The following RIOK1 variants were observed in gnomAD, a reference collection of about 807,000 sequenced individuals.
RIOK1 encodes serine/threonine-protein kinase RIO1.
RIOK1 carries 66 observed loss-of-function variants against 73.5 expected under a neutral mutation model. That is an observed-to-expected ratio of 0.90 (90% confidence interval 0.74 to 1.10). The LOEUF (loss-of-function observed/expected upper bound fraction) is 1.10, where lower values mean the gene tolerates loss of function less well. Among genes scored for constraint, RIOK1 ranks in the 50% least tolerant of loss-of-function variants. RIOK1 has a pLI of 0.00. For missense variants in RIOK1, 658 were observed against 699.8 expected (o/e 0.94, Z 0.67); for synonymous variants, 224 against 226.8 (o/e 0.99, Z 0.11).
intron 8 of RIOK1, 142 bp from the exon 9 acceptor site, chr6:7,403,799 A>T: frequency 1.8e-6 from 1 of 544,484 alleles, no homozygotes; most frequent in South Asian, 2.2e-5. Context: ...ATAATCTTAG[A>T]GTTTATGAAA....
chr6:7,416,250 C>G (rs1489244148), intron 16 of RIOK1, among the ~76,000 whole-genome samples: 2 of 152,182 alleles, frequency 1.3e-5, no homozygotes, highest in East Asian at 3.9e-4. Flanking sequence ...TTGTCTCTTT[C>G]CAATGTCTAT....
intron 12 of RIOK1, among the ~76,000 whole-genome samples, chr6:7,408,896 T>C (rs768287956): frequency 1.5e-4 from 22 of 150,998 alleles, no homozygotes; most frequent in Non-Finnish European, 3.0e-4. Context: ...TAATTTTGTA[T>C]TTTTAGTAGA....
intron 2 of RIOK1, 154 bp from the exon 3 acceptor site, chr6:7,394,899 T>G: frequency 3.4e-6 from 4 of 1,187,552 alleles, no homozygotes; most frequent in Non-Finnish European, 4.8e-6. Flanking sequence ...CTTTAAAAAA[T>G]TTTTTGAGCC....
In RIOK1 at chr6:7,404,899, CTG is replaced by C. The variant is rs1761706011; in HGVS notation, c.993-15_993-14del. On this transcript the variant is annotated splice_polypyrimidine_tract_variant and intron_variant, in intron 10 of 16. Coordinates refer to ENST00000379834, the MANE Select transcript of RIOK1 (RefSeq NM_031480.3). Reference sequence around the variant, plus strand: ...GTAAAGTAATACCATCCCACAGCTTCTGTGTCTCTGGCCCATAGGTACCACGG... The same window carrying C: ...GTAAAGTAATACCATCCCACAGCTTCTGTCTCTGGCCCATAGGTACCACGG... 1 of 1,592,602 alleles carries C rather than the reference CTG, an allele frequency of 6.3e-7. No homozygotes were observed. The highest frequency in any genetic ancestry group is 1.1e-5 in the South Asian group (1 of 90,448).
At chr6:7,393,925 G>A (rs1034080538) in intron 2 of RIOK1, among the ~76,000 whole-genome samples, 1 of 152,182 alleles carries the variant, frequency 6.6e-6, no homozygotes, top group African/African-American at 2.4e-5. Context: ...GCATTATACA[G>A]CCATAAAAGA....
chr6:7,412,889 A>G lies in RIOK1; in HGVS notation c.1390A>G (p.Ile464Val). 1 of 1,517,698 alleles carries G rather than the reference A, an allele frequency of 6.6e-7. No individual in the cohort carries two copies. Among genetic ancestry groups the G allele is most frequent in the South Asian group, 1.3e-5 (1 of 79,396 alleles). The allele number at this position is 1,517,698 out of a possible 1,614,324, so 94.0% of individuals were successfully genotyped here. ...TTTTTTTTTTCATTTTGGTTATAAG[A>G]TTCTATACCAGACTGTTACAGGATT... is the stretch of plus-strand genomic sequence containing the variant. ...DMAMNAQQDN[I>V]LYQTVTGLKK... is the part of the protein sequence containing the mutation. Residue 464 changes from isoleucine (I) to valine (V), a missense_variant and splice_region_variant, in exon 15 of 17, where the codon ATT becomes GTT. By Grantham distance (29) the Ile-to-Val change is conservative. Coordinates refer to ENST00000379834, the MANE Select transcript of RIOK1 (RefSeq NM_031480.3).
intron 7 of RIOK1, 44 bp downstream of exon 7, chr6:7,402,759 C>G: frequency 6.2e-7 from 1 of 1,604,444 alleles, no homozygotes. Context: ...TTTCTATTTC[C>G]TAAAACATTA....
At chr6:7,398,761 A>C in intron 5 of RIOK1, 21 bp downstream of exon 5, 1 of 1,589,454 alleles carries the variant, frequency 6.3e-7, no homozygotes, top group South Asian at 1.1e-5. Flanking sequence ...AATGTGTTGC[A>C]AACTCTTCTT....
At chr6:7,407,976 T>C (rs1055455579) in intron 12 of RIOK1, among the ~76,000 whole-genome samples, 1 of 152,278 alleles carries the variant, frequency 6.6e-6, no homozygotes, top group East Asian at 1.9e-4. Flanking sequence ...TATCTATTTT[T>C]ATTTTTGTCT....
chr6:7,400,690 G>A (rs758951944), intron 5 of RIOK1, among the ~76,000 whole-genome samples: 2 of 152,210 alleles, frequency 1.3e-5, no homozygotes, highest in Non-Finnish European at 2.9e-5. Context: ...ATAGCCTAGA[G>A]TTCTGTTTCT....
chr6:7,410,567 T>G (rs1761861645), intron 13 of RIOK1, 116 bp downstream of exon 13: 2 of 657,306 alleles, frequency 3.0e-6, no homozygotes, highest in African/African-American at 3.7e-5. Context: ...TTTCAAATGA[T>G]GGTAATATTT....
chr6:7,410,576 T>A, intron 13 of RIOK1, 125 bp downstream of exon 13: 1 of 633,262 alleles, frequency 1.6e-6, no homozygotes. Context: ...ATGGTAATAT[T>A]TCCTTAAGAT....
At chr6:7,392,590 A>T (rs746611932) in intron 1 of RIOK1, among the ~76,000 whole-genome samples, 20 of 151,178 alleles carry the variant, frequency 1.3e-4, no homozygotes, top group Non-Finnish European at 2.5e-4. Flanking sequence ...CACGATCATG[A>T]CTCACTGCAG....
intron 9 of RIOK1, 109 bp from the exon 10 acceptor site, chr6:7,404,309 C>A: frequency 7.9e-7 from 1 of 1,260,972 alleles, no homozygotes. Context: ...ACAGATTGTC[C>A]CACATACAGC....
rs375578669 is a variant in RIOK1, at chr6:7,411,323, C to G, written c.1270-9C>G. On this transcript the variant is annotated splice_polypyrimidine_tract_variant and intron_variant, in intron 13 of 16. Coordinates refer to ENST00000379834, the MANE Select transcript of RIOK1 (RefSeq NM_031480.3). ...TAACAGTTTTGATTTTGCTTTTCCT[C>G]TCTGTTAGGTGTTTAAGCGAGCATA... 7.6e-5 allele frequency: 123 copies of G among 1,612,750 alleles called. No individual in the cohort carries two copies. In the African/African-American group the frequency reaches 1.5e-3, roughly 20 times the overall value.
chr6:7,409,917 G>T (rs1455090324), intron 12 of RIOK1, among the ~76,000 whole-genome samples: 1 of 151,746 alleles, frequency 6.6e-6, no homozygotes, highest in Non-Finnish European at 1.5e-5. Flanking sequence ...CCTCGTTTCA[G>T]TCATTGTTTG....
chr6:7,402,197 C>T (rs190108039), intron 6 of RIOK1, among the ~76,000 whole-genome samples: 2 of 152,252 alleles, frequency 1.3e-5, no homozygotes, highest in East Asian at 3.9e-4. Flanking sequence ...GATAGTATAG[C>T]CTACTGCACT....
intron 5 of RIOK1, among the ~76,000 whole-genome samples, chr6:7,399,378 C>T (rs1351067110): frequency 1.3e-5 from 2 of 152,084 alleles, no homozygotes; most frequent in East Asian, 1.9e-4. Context: ...AGACAGAAGC[C>T]GGGTCTGTGG....
intron 1 of RIOK1, among the ~76,000 whole-genome samples, chr6:7,392,162 A>G (rs1761357291): frequency 6.6e-6 from 1 of 151,794 alleles, no homozygotes; most frequent in Non-Finnish European, 1.5e-5. Context: ...GTGAAGGGAT[A>G]GATTTTACAC....
Sources: allele counts gnomAD v4.1 joint callset (sites outside exome capture counted in the v4.1 genomes callset), GRCh38; gene constraint gnomAD v4.1.1; transcripts MANE v1.5; gene names NCBI Gene and HGNC (gene_info 2026-07-23, HGNC 2026-07-21).